PTPRD: variants seen among roughly 807,000 people sequenced by gnomAD.
PTPRD encodes receptor-type tyrosine-protein phosphatase delta.
A neutral mutation model predicts 214.5 loss-of-function variants in PTPRD; 34 were observed. That is an observed-to-expected ratio of 0.16 (90% CI 0.12 to 0.21). The LOEUF (loss-of-function observed/expected upper bound fraction) is 0.21, where lower values mean the gene tolerates loss of function less well. Among genes scored for constraint, PTPRD ranks in the 10% least tolerant of loss-of-function variants. PTPRD has a pLI of 1.00. For missense variants in PTPRD, 2,545 were observed against 2,398.7 expected, an observed-to-expected ratio of 1.06 and a Z score of -1.27; for synonymous variants, 1,128 against 845.7, an observed-to-expected ratio of 1.33 and a Z score of -5.79.
At chr9:9,664,280 T>C (rs1375213931) in intron 7 of PTPRD, among the ~76,000 whole-genome samples, 1 of 151,530 alleles carries the variant, frequency 6.6e-6, no homozygotes, top group Non-Finnish European at 1.5e-5. Context: ...ATAACTGCTA[T>C]TAGTGAATAA....
At chr9:8,406,233 G>A (rs769473737) in intron 35 of PTPRD, among the ~76,000 whole-genome samples, 1 of 152,082 alleles carries the variant, frequency 6.6e-6, no homozygotes, top group Non-Finnish European at 1.5e-5. Context: ...CATGCTATGA[G>A]CCGAAGGTAT....
At chr9:10,418,043 C>A (rs2098509579) in intron 2 of PTPRD, among the ~76,000 whole-genome samples, 1 of 151,422 alleles carries the variant, frequency 6.6e-6, no homozygotes, top group Admixed American at 6.6e-5. Context: ...GGAAAGAAAC[C>A]ATGAAAGACA....
At chr9:9,031,157 T>C (rs2099604057) in intron 10 of PTPRD, among the ~76,000 whole-genome samples, 1 of 151,964 alleles carries the variant, frequency 6.6e-6, no homozygotes, top group Admixed American at 6.6e-5. Flanking sequence ...GGTGACTTGT[T>C]GATGGGTCTT....
At chr9:10,611,326 G>T (rs1311569786) in intron 2 of PTPRD, among the ~76,000 whole-genome samples, 1 of 152,068 alleles carries the variant, frequency 6.6e-6, no homozygotes, top group Non-Finnish European at 1.5e-5. Flanking sequence ...AATGCAAGAA[G>T]AATTAGATTC....
intron 11 of PTPRD, among the ~76,000 whole-genome samples, chr9:8,777,200 G>A (rs946548552): frequency 2.0e-5 from 3 of 151,876 alleles, no homozygotes; most frequent in Non-Finnish European, 4.4e-5. Flanking sequence ...GGCTGATCTT[G>A]AACTCCTGGG....
At position 9,465,271 on chromosome 9, in the gene PTPRD, A is replaced by G. The variant is rs1030889475; in HGVS notation, c.-236-67789T>C. Among the ~76,000 whole-genome samples, 3 of 152,220 alleles carry G rather than the reference A, an allele frequency of 2.0e-5. No homozygotes were observed. In the East Asian group the frequency reaches 5.8e-4, roughly 29 times the overall value. The stretch of plus-strand genomic sequence containing the variant: ...TCTTCCAATAAAACAAAAGCCAAAG[A>G]AAAGATGCAACTCTTAAAACTTTGC... On this transcript the variant is annotated intron_variant, in intron 8 of 45. Transcript: ENST00000381196.
intron 5 of PTPRD, among the ~76,000 whole-genome samples, chr9:9,838,044 T>G (rs1404012204): frequency 6.6e-6 from 1 of 152,156 alleles, no homozygotes; most frequent in African/African-American, 2.4e-5. Flanking sequence ...TTGCGATAGT[T>G]TACTGAGAAT....
chr9:8,821,946 A>C (rs1196136113), intron 11 of PTPRD, among the ~76,000 whole-genome samples: 1 of 152,206 alleles, frequency 6.6e-6, no homozygotes, highest in Admixed American at 6.5e-5. Flanking sequence ...TACAGGCGTG[A>C]GCCACCCATC....
At chr9:9,291,042 C>A (rs555994036) in intron 9 of PTPRD, among the ~76,000 whole-genome samples, 31 of 151,494 alleles carry the variant, frequency 2.0e-4, no homozygotes, top group African/African-American at 5.8e-4. Context: ...CATTCAGCTG[C>A]AAAATTTATA....
chr9:10,102,328 C>G (rs1002656317), intron 3 of PTPRD, among the ~76,000 whole-genome samples: 2 of 151,478 alleles, frequency 1.3e-5, no homozygotes, highest in Non-Finnish European at 3.0e-5. Flanking sequence ...AAACATTCCT[C>G]CTGAGTAGAA....
chr9:10,278,112 C>T (rs1039520546), intron 3 of PTPRD, among the ~76,000 whole-genome samples: 17 of 151,020 alleles, frequency 1.1e-4, no homozygotes, highest in South Asian at 2.1e-4. Context: ...GCCGAGATAG[C>T]GCCACTGCAC....
At chr9:9,486,185 A>AAAAAAAACC (rs2095628114) in intron 8 of PTPRD, among the ~76,000 whole-genome samples, 1 of 136,178 alleles carries the variant, frequency 7.3e-6, no homozygotes. Context: ...AAAAAAAAAA[A>AAAAAAAACC]GCCTTCCCTT....
intron 5 of PTPRD, among the ~76,000 whole-genome samples, chr9:9,899,571 G>A (rs2075883891): frequency 6.6e-6 from 1 of 152,032 alleles, no homozygotes; most frequent in Non-Finnish European, 1.5e-5. Flanking sequence ...GTATGGATGT[G>A]AAGAAATGAG....
chr9:9,707,992 G>C (rs2097657111), intron 7 of PTPRD, among the ~76,000 whole-genome samples: 2 of 151,606 alleles, frequency 1.3e-5, no homozygotes, highest in Admixed American at 1.3e-4. Flanking sequence ...CTTTCATTTA[G>C]AAATACGAGA....
At chr9:9,416,409 T>C (rs775989759) in intron 8 of PTPRD, among the ~76,000 whole-genome samples, 1 of 152,206 alleles carries the variant, frequency 6.6e-6, no homozygotes, top group African/African-American at 2.4e-5. Context: ...ATGTCCTCTC[T>C]GATCCTTGGT....
intron 9 of PTPRD, among the ~76,000 whole-genome samples, chr9:9,327,414 T>C (rs942163727): frequency 6.6e-6 from 1 of 152,126 alleles, no homozygotes; most frequent in South Asian, 2.1e-4. Flanking sequence ...TTTTTTTCCA[T>C]TTTTTTCTTA....
chr9:8,993,049 A>C (rs1005437906), intron 11 of PTPRD, among the ~76,000 whole-genome samples: 1 of 152,206 alleles, frequency 6.6e-6, no homozygotes, highest in African/African-American at 2.4e-5. Context: ...AAAGATGGCT[A>C]CAGTTGATCA....
intron 11 of PTPRD, among the ~76,000 whole-genome samples, chr9:9,010,661 G>A (rs1331661): frequency 6.6e-6 from 1 of 151,602 alleles, no homozygotes; most frequent in Non-Finnish European, 1.5e-5. Context: ...ACCTTATCAA[G>A]CCAAAGTGTG....
chr9:8,487,843 T>G (rs527317203), intron 27 of PTPRD, among the ~76,000 whole-genome samples: 2 of 149,886 alleles, frequency 1.3e-5, no homozygotes, highest in South Asian at 2.1e-4. Flanking sequence ...AACAAACAGC[T>G]TGGCAACATA....
Sources: gnomAD v4.1 joint callset for allele counts (sites outside exome capture counted in the v4.1 genomes callset) on GRCh38, gnomAD v4.1.1 for gene constraint, MANE v1.5 for transcripts, NCBI Gene and HGNC (gene_info 2026-07-23, HGNC 2026-07-21) for gene names.